TTC9C: variants seen among roughly 807,000 people sequenced by gnomAD.
TTC9C encodes the protein tetratricopeptide repeat protein 9C.
In TTC9C, 15 loss-of-function variants were observed where a neutral mutation model predicts 22.5. That is an observed-to-expected ratio of 0.67 (90% confidence interval 0.45 to 1.03). TTC9C has a LOEUF of 1.03. Among genes scored for constraint, TTC9C ranks in the 50% least tolerant of loss-of-function variants. TTC9C has a pLI of 0.00. For missense variants in TTC9C, 244 were observed against 214.6 expected, an observed-to-expected ratio of 1.14 and a Z score of -0.86; for synonymous variants, 92 against 86.8, an observed-to-expected ratio of 1.06 and a Z score of -0.33.
At chr11:62,733,831 A>G (rs2083880011) in intron 1 of TTC9C, among the ~76,000 whole-genome samples, 2 of 152,040 alleles carry the variant, frequency 1.3e-5, no homozygotes, top group African/African-American at 2.4e-5. Flanking sequence ...GTCTGTACTA[A>G]AAATACAAAA....
intron 1 of TTC9C, among the ~76,000 whole-genome samples, chr11:62,731,078 G>A (rs1024130334): frequency 2.0e-5 from 3 of 151,300 alleles, no homozygotes; most frequent in African/African-American, 7.3e-5. Flanking sequence ...TAGTAGAGAC[G>A]GGGTTTTGCC....
chr11:62,733,241 T>G (rs553928800), intron 1 of TTC9C: 5 of 1,076,090 alleles, frequency 4.6e-6, no homozygotes, highest in Non-Finnish European at 6.1e-6. Context: ...AAGAGAATAG[T>G]GAAGTTATAT....
chr11:62,737,181 A>G (rs559232344), intron 2 of TTC9C, among the ~76,000 whole-genome samples: 1 of 152,332 alleles, frequency 6.6e-6, no homozygotes, highest in South Asian at 2.1e-4. Flanking sequence ...CCTGGGAGAC[A>G]GAGGGAGACT....
In TTC9C at chr11:62,729,038, G is replaced by C; in HGVS notation, c.190G>C (p.Glu64Gln). 2 of 1,614,064 alleles carry C rather than the reference G, an allele frequency of 1.2e-6. No homozygotes were observed. The highest frequency in any genetic ancestry group is 1.7e-6 in the Non-Finnish European group (2 of 1,180,024). The change falls in exon 1 of 3, where the codon GAA becomes CAA. Residue 64 changes from glutamate (E) to glutamine (Q), a missense_variant. Glu to Gln is a conservative substitution (Grantham distance 29). Coordinates refer to ENST00000316461, the MANE Select transcript of TTC9C (RefSeq NM_173810.4). ...GGGCCCGGCCCTCACGCCTGAACAAGAAAACATATTGCATACCACCCAGAC... is the reference window on the plus strand; with the variant it reads ...GGGCCCGGCCCTCACGCCTGAACAACAAAACATATTGCATACCACCCAGAC... ...PQGPALTPEQ[E>Q]NILHTTQTDC...
intron 1 of TTC9C, among the ~76,000 whole-genome samples, chr11:62,731,713 A>G (rs2134807181): frequency 6.6e-6 from 1 of 150,458 alleles, no homozygotes; most frequent in African/African-American, 2.4e-5. Context: ...TTTTTGAGAC[A>G]GAGTCTTGCT....
chr11:62,738,267 G>T, intron 2 of TTC9C, 21 bp from the exon 3 acceptor site: 2 of 1,530,780 alleles, frequency 1.3e-6, no homozygotes, highest in Non-Finnish European at 9.0e-7. Context: ...GTTTCTAATT[G>T]CTTCTCCATC....
Position 62,738,549 on chromosome 11 carries a change from T to A in TTC9C, c.*167T>A. ...ACTACTTAGACAGTCTGAGTCTTTT[T>A]CTGTCTATCCATCTGTTTATTTCTA... is the stretch of plus-strand genomic sequence containing the variant. On this transcript the variant is annotated 3_prime_UTR_variant, in exon 3 of 3. Transcript: ENST00000316461. 1 of 530,582 alleles carries A rather than the reference T, an allele frequency of 1.9e-6. No homozygotes were observed. The highest frequency in any genetic ancestry group is 2.6e-5 in the South Asian group (1 of 38,598). 32.9% of individuals were successfully genotyped at this position (530,582 alleles called of 1,614,324 possible). A position where few individuals can be genotyped will look rare whatever the true frequency, so the allele number is the denominator to read the frequency against.
chr11:62,728,818 C>A lies in TTC9C; in HGVS notation c.-31C>A. On this transcript the variant is annotated 5_prime_UTR_variant, in exon 1 of 3. Coordinates refer to ENST00000316461, the MANE Select transcript of TTC9C (RefSeq NM_173810.4). ...CAGAGCTTCACTTGCTCCTTCACTT[C>A]CCAGTTCCGCAAGAACCGTGGGCGA... 6.2e-7 allele frequency: 1 copy of A among 1,610,112 alleles called. No individual in the cohort carries two copies. The highest frequency in any genetic ancestry group is 8.5e-7 in the Non-Finnish European group (1 of 1,176,510).
At position 62,729,059 on chromosome 11, in the gene TTC9C, CAG is replaced by C; in HGVS notation, c.213_214del (p.Gln71HisfsTer5). On this transcript the variant is annotated frameshift_variant, in exon 1 of 3. Coordinates refer to ENST00000316461, the MANE Select transcript of TTC9C (RefSeq NM_173810.4). LOFTEE classifies it high-confidence loss of function. ...ACAAGAAAACATATTGCATACCACC[CAG>C]ACAGACTGCTATAACAATCTAGCTG... is the stretch of plus-strand genomic sequence containing the variant. Reference protein sequence around the residue: ...PEQENILHTTQTDCYNNLAAC... With the variant: ...PEQENILHTTXTDCYNNLAAC... The C allele has an allele frequency of 1.2e-6, 2 of 1,614,140 alleles. No homozygotes were observed. Among genetic ancestry groups the C allele is most frequent in the Non-Finnish European group, 1.7e-6 (2 of 1,180,028 alleles).
chr11:62,731,687 T>C (rs1301210258), intron 1 of TTC9C, among the ~76,000 whole-genome samples: 1 of 150,900 alleles, frequency 6.6e-6, no homozygotes, highest in African/African-American at 2.5e-5. Context: ...TTATTTTTCT[T>C]AAAGCACTTT....
At chr11:62,730,396 TGCC>T (rs2083834680) in intron 1 of TTC9C, among the ~76,000 whole-genome samples, 1 of 151,904 alleles carries the variant, frequency 6.6e-6, no homozygotes, top group Non-Finnish European at 1.5e-5. Flanking sequence ...ATTTATTGAG[TGCC>T]TATAACATGT....
At chr11:62,736,697 A>G (rs1349993340) in intron 2 of TTC9C, among the ~76,000 whole-genome samples, 1 of 146,820 alleles carries the variant, frequency 6.8e-6, no homozygotes, top group Non-Finnish European at 1.5e-5. Flanking sequence ...CCGTCTCGGA[A>G]AAAAAAAAAA....
At chr11:62,737,426 A>T (rs905822240) in intron 2 of TTC9C, among the ~76,000 whole-genome samples, 4 of 152,148 alleles carry the variant, frequency 2.6e-5, no homozygotes, top group African/African-American at 4.8e-5. Context: ...GGCAAAAAGG[A>T]TATTGTGAAG....
chr11:62,731,049 T>A (rs781722165), intron 1 of TTC9C, among the ~76,000 whole-genome samples: 4 of 151,774 alleles, frequency 2.6e-5, no homozygotes, highest in Non-Finnish European at 4.4e-5. Flanking sequence ...CCACCATGCC[T>A]GGCTAATTTT....
At chr11:62,732,799 G>A (rs1434343404) in intron 1 of TTC9C, among the ~76,000 whole-genome samples, 2 of 151,924 alleles carry the variant, frequency 1.3e-5, no homozygotes, top group African/African-American at 4.8e-5. Context: ...GCAGGTGCCT[G>A]TAGTCCCAGC....
At position 62,728,719 on chromosome 11, in the gene TTC9C, G is replaced by T; in HGVS notation, c.-130G>T. The T allele has an allele frequency of 1.1e-6, 1 of 870,048 alleles. No individual in the cohort carries two copies. The highest frequency in any genetic ancestry group is 1.9e-6 in the Non-Finnish European group (1 of 532,630). 53.9% of individuals were successfully genotyped at this position (870,048 alleles called of 1,614,324 possible). ...AGCAAACCGCAGGTCCCTGTGGGGG[G>T]ACTCTCCAGGAAGAAGGGTAATTTC... On this transcript the variant is annotated 5_prime_UTR_variant, in exon 1 of 3. Coordinates refer to ENST00000316461, the MANE Select transcript of TTC9C (RefSeq NM_173810.4).
intron 2 of TTC9C, among the ~76,000 whole-genome samples, chr11:62,737,962 C>T (rs774723420): frequency 2.6e-5 from 4 of 151,938 alleles, no homozygotes; most frequent in Non-Finnish European, 4.4e-5. Flanking sequence ...ACCCGGGAGG[C>T]GGAGGTTGCA....
At chr11:62,734,626 C>A (rs2083889910) in intron 1 of TTC9C, among the ~76,000 whole-genome samples, 1 of 150,154 alleles carries the variant, frequency 6.7e-6, no homozygotes, top group Non-Finnish European at 1.5e-5. Context: ...GAATACACTT[C>A]TTATAACACT....
At chr11:62,735,202 A>G (rs2083896551) in intron 1 of TTC9C, among the ~76,000 whole-genome samples, 180 bp from the exon 2 acceptor site, 1 of 152,126 alleles carries the variant, frequency 6.6e-6, no homozygotes. Context: ...CCGATATGTG[A>G]AGCTTTTATT....
Sources: allele counts gnomAD v4.1 joint callset (sites outside exome capture counted in the v4.1 genomes callset), GRCh38; gene constraint gnomAD v4.1.1; transcripts MANE v1.5; gene names NCBI Gene and HGNC (gene_info 2026-07-23, HGNC 2026-07-21).